CDK11A: variants seen among roughly 807,000 people sequenced by gnomAD.
CDK11A encodes cyclin dependent kinase 11A.
In CDK11A, 55 loss-of-function variants were observed where a neutral mutation model predicts 83.6. The ratio of observed to expected loss-of-function variants is 0.66; its 90% confidence interval spans 0.53 to 0.82. The LOEUF (loss-of-function observed/expected upper bound fraction) is 0.82, where lower values mean the gene tolerates loss of function less well. Ranked by LOEUF, CDK11A falls within the 40% of genes least tolerant of loss-of-function variation. The pLI is 0.00. For missense variants in CDK11A, 564 were observed against 810.1 expected, an observed-to-expected ratio of 0.70 and a Z score of 3.69; for synonymous variants, 247 against 302.7, an observed-to-expected ratio of 0.82 and a Z score of 1.91.
intron 4 of CDK11A, among the ~76,000 whole-genome samples, chr1:1,718,113 G>T (rs1170950700): frequency 7.6e-6 from 1 of 131,102 alleles, no homozygotes; most frequent in Non-Finnish European, 1.6e-5. Flanking sequence ...GCTCTTTCTG[G>T]TTTTCGGTCT....
At chr1:1,707,375 C>A in intron 11 of CDK11A, 34 bp downstream of exon 11, 2 of 1,599,574 alleles carry the variant, frequency 1.3e-6, no homozygotes, top group Non-Finnish European at 1.7e-6. Flanking sequence ...ACTGCCAATG[C>A]GGACAGCGGC....
chr1:1,704,583 G>A lies in CDK11A; in HGVS notation c.1531C>T (p.Leu511=), dbSNP rs368648532. 6.2e-7 allele frequency: 1 copy of A among 1,604,158 alleles called. No individual in the cohort carries two copies. Among genetic ancestry groups the A allele is most frequent in the Non-Finnish European group, 8.5e-7 (1 of 1,174,668 alleles). The part of the protein sequence containing the change: ...MNYVEHDLKS[L]METMKQPFLP... ...AAGGGCTGTTTCATGGTCTCCATCA[G>A]GCTCTTGAGGTCGTGCTCCACGTAG... Residue 511 remains leucine (L), a synonymous_variant, in exon 14 of 20, where the codon CTG becomes TTG. Transcript: ENST00000404249.
chr1:1,704,002 G>C, intron 16 of CDK11A, 37 bp downstream of exon 16: 4 of 1,603,462 alleles, frequency 2.5e-6, no homozygotes, highest in Non-Finnish European at 3.4e-6. Context: ...GAGGCTGCAT[G>C]GGGGACAGGG....
At chr1:1,716,814 C>CAAAAAA (rs1168780288) in intron 4 of CDK11A, among the ~76,000 whole-genome samples, 44 of 76,646 alleles carry the variant, frequency 5.7e-4, no homozygotes, top group Middle Eastern at 6.7e-3. Flanking sequence ...GACTCCATCT[C>CAAAAAA]AAAAAAAAAA....
chr1:1,702,850 G>A lies in CDK11A; in HGVS notation c.*57C>T. 1 of 226,138 alleles carries A rather than the reference G, an allele frequency of 4.4e-6. No individual in the cohort carries two copies. Among genetic ancestry groups the A allele is most frequent in the South Asian group, 4.7e-5 (1 of 21,088 alleles). The allele number at this position is 226,138 out of a possible 1,614,324, so 14.0% of individuals were successfully genotyped here. ...GAGTCTCATCGCAGCTCCAGCCGCAGTAGCCACGCCTGTGGTCCCGGCTGA... is the reference window on the plus strand; with the variant it reads ...GAGTCTCATCGCAGCTCCAGCCGCAATAGCCACGCCTGTGGTCCCGGCTGA... On this transcript the variant is annotated 3_prime_UTR_variant, in exon 20 of 20. Transcript: ENST00000404249.
rs1184360871 is a variant in CDK11A at position 1,707,433 on chromosome 1, C to G, written c.1221G>C (p.Leu407=). The G allele has an allele frequency of 2.5e-6, 4 of 1,607,996 alleles. 1 individual carries two copies. The East Asian group carries it at 6.7e-5, about 27-fold the overall frequency. ...CCTGCAGGGCCGGCAGGTACTTGGG[C>G]AGCTCCTGCTTGAGCTCGATGGGCA... is the stretch of plus-strand genomic sequence containing the variant. ...ALLPIELKQE[L]PKYLPALQGC... The change falls in exon 11 of 20, where the codon CTG becomes CTC. Residue 407 remains leucine (L), a synonymous_variant. Transcript: ENST00000404249.
At position 1,703,950 on chromosome 1, in the gene CDK11A, C is replaced by T; in HGVS notation, c.1795-10G>A. 1 of 1,609,414 alleles carries T rather than the reference C, an allele frequency of 6.2e-7. No individual in the cohort carries two copies. Among genetic ancestry groups the T allele is most frequent in the Non-Finnish European group, 8.5e-7 (1 of 1,176,834 alleles). On this transcript the variant is annotated splice_polypyrimidine_tract_variant and intron_variant, in intron 16 of 19. Transcript: ENST00000404249. ...CGGCCGTGGAGTATTCCTAAGACGC[C>T]AGGAGAGGTGTTCAGGAAGGCCAGT...
In CDK11A at chr1:1,716,337, C is replaced by T. The variant is rs773539187; in HGVS notation, c.488+9G>A. 1 of 1,608,198 alleles carries T rather than the reference C, an allele frequency of 6.2e-7. No individual in the cohort carries two copies. The highest frequency in any genetic ancestry group is 8.5e-7 in the Non-Finnish European group (1 of 1,176,160). ...TTCATAAAGTCCTCAACTGACCCAG[C>T]CCACTCACCTTTCTCTCCTGGAATG... On this transcript the variant is annotated intron_variant, in intron 5 of 19. Transcript: ENST00000404249.
At chr1:1,706,210 G>GTA (rs1254849766) in intron 11 of CDK11A, among the ~76,000 whole-genome samples, 1 of 149,552 alleles carries the variant, frequency 6.7e-6, no homozygotes, top group East Asian at 2.0e-4. Context: ...GTAGCTGGGA[G>GTA]TATAGGTACG....
At chr1:1,722,952 C>T (rs1261244504) in intron 1 of CDK11A, 121 bp from the exon 2 acceptor site, 2 of 396,612 alleles carry the variant, frequency 5.0e-6, no homozygotes, top group African/African-American at 3.7e-5. Context: ...AGAAGTTGTG[C>T]CCGGCGCAGT....
intron 6 of CDK11A, among the ~76,000 whole-genome samples, chr1:1,710,427 G>A (rs1273646152): frequency 1.4e-5 from 1 of 73,988 alleles, no homozygotes; most frequent in African/African-American, 3.9e-5. Flanking sequence ...GAAAAGACCC[G>A]TGAAGACCCT....
At chr1:1,721,187 G>A (rs1644891333) in intron 3 of CDK11A, among the ~76,000 whole-genome samples, 1 of 89,260 alleles carries the variant, frequency 1.1e-5, no homozygotes. Context: ...AGACTCTTGA[G>A]ACACCGTCTC....
chr1:1,714,941 C>T (rs919035569), intron 5 of CDK11A, among the ~76,000 whole-genome samples: 10 of 150,334 alleles, frequency 6.7e-5, no homozygotes, highest in Admixed American at 5.3e-4. Flanking sequence ...TGGCCTTTTC[C>T]TCCCTCCACT....
In CDK11A at chr1:1,702,847, G is replaced by A. The variant is rs1251732701; in HGVS notation, c.*60C>T. ...TCCGAGTCTCATCGCAGCTCCAGCC[G>A]CAGTAGCCACGCCTGTGGTCCCGGC... is the stretch of plus-strand genomic sequence containing the variant. On this transcript the variant is annotated 3_prime_UTR_variant, in exon 20 of 20. Transcript: ENST00000404249. 5,001 of 223,056 alleles carry A rather than the reference G, an allele frequency of 0.022. 30 individuals are homozygous for A. The highest frequency in any genetic ancestry group is 0.16 in the African/African-American group (4,180 of 26,292). The allele number at this position is 223,056 out of a possible 1,614,324, so 13.8% of individuals were successfully genotyped here.
chr1:1,704,180 T>C (rs2076329), intron 15 of CDK11A, 34 bp from the exon 16 acceptor site: 955,557 of 1,606,234 alleles, frequency 0.59, 299,391 homozygotes, highest in African/African-American at 0.9. Flanking sequence ...TGGGTGGGCC[T>C]GGGCGGGTCA....
chr1:1,703,725 C>T, intron 17 of CDK11A, 99 bp downstream of exon 17: 1 of 1,547,716 alleles, frequency 6.5e-7, no homozygotes, highest in Non-Finnish European at 8.7e-7. Flanking sequence ...CTCTCAGTGG[C>T]CCTGGTCCCC....
intron 4 of CDK11A, among the ~76,000 whole-genome samples, chr1:1,717,775 G>C (rs1388882270): frequency 2.7e-5 from 4 of 150,148 alleles, no homozygotes; most frequent in Non-Finnish European, 5.9e-5. Context: ...CTTTCAGCTA[G>C]AGTTTGCTCT....
In CDK11A at chr1:1,704,599, C is replaced by G. The variant is rs762903481; in HGVS notation, c.1515G>C (p.Glu505Asp). The G allele has an allele frequency of 1.9e-6, 3 of 1,602,100 alleles. No individual in the cohort carries two copies. Among genetic ancestry groups the G allele is most frequent in the South Asian group, 2.2e-5 (2 of 89,644 alleles). Residue 505 changes from glutamate to aspartate, a missense_variant, in exon 14 of 20, where the codon GAG (glutamate) becomes GAC (aspartate). Physicochemically the swap from Glu to Asp is conservative, Grantham distance 45. This residue lies in a region of CDK11A where 361 missense variants were observed against 402.7 expected (regional missense o/e 0.90). Transcript: ENST00000404249. ...DKIYIVMNYV[E>D]HDLKSLMETM... ...TCTCCATCAGGCTCTTGAGGTCGTGCTCCACGTAGTTCATCACGATGTAGA... is the reference window on the plus strand; with the variant it reads ...TCTCCATCAGGCTCTTGAGGTCGTGGTCCACGTAGTTCATCACGATGTAGA...
rs1311205410 is a variant in CDK11A at position 1,724,273 on chromosome 1, G to C, written c.-29C>G. 1 of 151,640 alleles carries C rather than the reference G, an allele frequency of 6.6e-6. No homozygotes were observed. Among genetic ancestry groups the C allele is most frequent in the Non-Finnish European group, 1.5e-5 (1 of 67,872 alleles). 9.4% of individuals were successfully genotyped at this position (151,640 alleles called of 1,614,324 possible). A position where few individuals can be genotyped will look rare whatever the true frequency, so the allele number is the denominator to read the frequency against. The stretch of plus-strand genomic sequence containing the variant: ...CGGAACTCACCCCTACGGGGCCGCG[G>C]CCGGTCCCTGAGCCTGAGAAGAAAC... On this transcript the variant is annotated 5_prime_UTR_variant, in exon 1 of 20. Transcript: ENST00000404249.
Sources: allele counts gnomAD v4.1 joint callset (sites outside exome capture counted in the v4.1 genomes callset), GRCh38; gene constraint gnomAD v4.1.1; regional missense constraint gnomAD v4.1.1; transcripts MANE v1.5; gene names NCBI Gene and HGNC (gene_info 2026-07-23, HGNC 2026-07-21).